ASCC3: variants seen among roughly 807,000 people sequenced by gnomAD.
The protein encoded by ASCC3 is activating signal cointegrator 1 complex subunit 3.
In ASCC3, 158 loss-of-function variants were observed where a neutral mutation model predicts 256.3. The ratio of observed to expected loss-of-function variants is 0.62; its 90% CI spans 0.54 to 0.70. The LOEUF (loss-of-function observed/expected upper bound fraction) is 0.70, where lower values mean the gene tolerates loss of function less well. Among genes scored for constraint, ASCC3 ranks in the 30% least tolerant of loss-of-function variants. ASCC3 has a pLI of 0.00. For missense variants in ASCC3, 2,259 were observed against 2,626.0 expected, an observed-to-expected ratio of 0.86 and a Z score of 3.05; for synonymous variants, 948 against 883.4, an observed-to-expected ratio of 1.07 and a Z score of -1.30.
chr6:100,717,324 T>C (rs556957169), intron 12 of ASCC3, among the ~76,000 whole-genome samples: 1 of 152,008 alleles, frequency 6.6e-6, no homozygotes, highest in Admixed American at 6.6e-5. Context: ...AAGGTTGACA[T>C]AGTAACATGA....
At chr6:100,812,145 T>G (rs1159299389) in intron 4 of ASCC3, among the ~76,000 whole-genome samples, 1 of 152,064 alleles carries the variant, frequency 6.6e-6, no homozygotes, top group Non-Finnish European at 1.5e-5. Flanking sequence ...TTTAGCAAAG[T>G]GATTTAAAAA....
intron 14 of ASCC3, among the ~76,000 whole-genome samples, chr6:100,663,677 G>A (rs1045690294): frequency 1.3e-5 from 2 of 152,078 alleles, no homozygotes; most frequent in Non-Finnish European, 2.9e-5. Context: ...TGCTGAGGTT[G>A]CTAAAATCGA....
At chr6:100,711,885 A>C (rs1293502000) in intron 13 of ASCC3, among the ~76,000 whole-genome samples, 1 of 152,260 alleles carries the variant, frequency 6.6e-6, no homozygotes, top group African/African-American at 2.4e-5. Context: ...ATATTGCAAG[A>C]GAAAAACAAA....
At chr6:100,695,875 G>A (rs1778057045) in intron 13 of ASCC3, among the ~76,000 whole-genome samples, 3 of 152,234 alleles carry the variant, frequency 2.0e-5, no homozygotes, top group South Asian at 2.1e-4. Context: ...GGAGAGTTAG[G>A]GAGAAGCAAC....
intron 3 of ASCC3, among the ~76,000 whole-genome samples, chr6:100,854,259 T>C (rs926460890): frequency 3.3e-5 from 5 of 152,024 alleles, no homozygotes; most frequent in Admixed American, 2.0e-4. Context: ...CATGTGGCTT[T>C]TGGGGGAATA....
At position 100,516,254 on chromosome 6, in the gene ASCC3, G is replaced by A. The variant is rs917290128; in HGVS notation, c.6001C>T (p.His2001Tyr). The A allele has an allele frequency of 6.8e-6, 11 of 1,613,618 alleles. No individual in the cohort carries two copies. The African/African-American group carries it at 1.3e-4, about 20-fold the overall frequency. ...TSIESLPELI[H>Y]ACGGKDHVFS... Reference sequence around the variant, plus strand: ...ACATGGTCTTTCCCTCCACAGGCATGGATCAGTTCAGGAAGGGACTCGATG... The same window carrying A: ...ACATGGTCTTTCCCTCCACAGGCATAGATCAGTTCAGGAAGGGACTCGATG... The change falls in exon 39 of 42, where the codon CAT becomes TAT. Residue 2001 changes from histidine (H) to tyrosine (Y), a missense_variant. Coordinates refer to ENST00000369162, the MANE Select transcript of ASCC3 (RefSeq NM_006828.4).
chr6:100,554,130 CTT>C (rs1178744774), intron 36 of ASCC3, among the ~76,000 whole-genome samples: 1 of 152,124 alleles, frequency 6.6e-6, no homozygotes, highest in Non-Finnish European at 1.5e-5. Flanking sequence ...TTGACTGTAA[CTT>C]TACCTTTTAG....
chr6:100,756,332 T>A (rs1781177917), intron 10 of ASCC3, among the ~76,000 whole-genome samples: 1 of 152,148 alleles, frequency 6.6e-6, no homozygotes, highest in Non-Finnish European at 1.5e-5. Context: ...TGTATGTTTC[T>A]CTATTTTCAA....
At chr6:100,612,095 G>A (rs1272949978) in intron 30 of ASCC3, among the ~76,000 whole-genome samples, 2 of 151,928 alleles carry the variant, frequency 1.3e-5, no homozygotes, top group Non-Finnish European at 2.9e-5. Flanking sequence ...GTTGGGGGGA[G>A]GAGGCACATA....
intron 14 of ASCC3, among the ~76,000 whole-genome samples, chr6:100,673,031 G>A (rs541313178): frequency 6.6e-6 from 1 of 152,124 alleles, no homozygotes; most frequent in East Asian, 1.9e-4. Flanking sequence ...ATTTCCATAT[G>A]TTATTCTGAT....
chr6:100,857,489 G>C (rs905793104), intron 3 of ASCC3: 5 of 151,952 alleles, frequency 3.3e-5, no homozygotes, highest in Non-Finnish European at 5.9e-5. Flanking sequence ...ACATCTTTTA[G>C]AAGATGTATT....
chr6:100,686,976 T>C (rs989534329), intron 13 of ASCC3, among the ~76,000 whole-genome samples: 1 of 151,564 alleles, frequency 6.6e-6, no homozygotes, highest in Non-Finnish European at 1.5e-5. Flanking sequence ...TGGTATCTCT[T>C]CAATACAGAC....
Position 100,760,207 on chromosome 6 carries a change from G to A in ASCC3, c.1737+6358C>T, listed in dbSNP as rs533570226. On this transcript the variant is annotated intron_variant, in intron 10 of 41. Transcript: ENST00000369162. Reference sequence around the variant, plus strand: ...ACTATATTTAACAGGAGTGGTGAGAGAGGGCATCCTTGTCTTGTACTGGTT... The same window carrying A: ...ACTATATTTAACAGGAGTGGTGAGAAAGGGCATCCTTGTCTTGTACTGGTT... Among the ~76,000 whole-genome samples the A allele has an allele frequency of 2.0e-5, 3 of 152,274 alleles. No individual in the cohort carries two copies. The East Asian group carries it at 5.8e-4, about 29-fold the overall frequency.
intron 4 of ASCC3, among the ~76,000 whole-genome samples, chr6:100,846,256 G>A (rs558269281): frequency 6.6e-6 from 1 of 152,182 alleles, no homozygotes; most frequent in South Asian, 2.1e-4. Flanking sequence ...AAATTATACT[G>A]AAAATTTGCC....
intron 17 of ASCC3, among the ~76,000 whole-genome samples, chr6:100,653,108 C>A (rs1470879680): frequency 6.6e-6 from 1 of 152,004 alleles, no homozygotes; most frequent in South Asian, 2.1e-4. Context: ...TATCAATGTG[C>A]ATATTCTTTT....
chr6:100,852,207 G>A (rs550436093), intron 3 of ASCC3, among the ~76,000 whole-genome samples: 1 of 152,236 alleles, frequency 6.6e-6, no homozygotes, highest in Admixed American at 6.5e-5. Context: ...TGAAGAAAAC[G>A]ATGCAGTCAG....
intron 8 of ASCC3, among the ~76,000 whole-genome samples, chr6:100,774,371 CTTTT>C (rs144009364): frequency 6.9e-6 from 1 of 144,698 alleles, no homozygotes; most frequent in East Asian, 1.9e-4. Context: ...ACCTGACTAA[CTTTT>C]TTTTTTCGGA....
rs770869132 is a variant in ASCC3 at position 100,864,065 on chromosome 6, T to C, written c.240A>G (p.Ile80Met). The C allele has an allele frequency of 1.9e-6, 3 of 1,554,686 alleles. No homozygotes were observed. Among genetic ancestry groups the C allele is most frequent in the Non-Finnish European group, 2.6e-6 (3 of 1,144,040 alleles). ...AAAAAGAAAAAAAGAAAACTATACCTATCTGCTTTGCAGCATGTAATATAT... is the reference window on the plus strand; with the variant it reads ...AAAAAGAAAAAAAGAAAACTATACCCATCTGCTTTGCAGCATGTAATATAT... The part of the protein sequence containing the change: ...LKDILHAAKQ[I>M]VGTDNGREAI... The change falls in exon 3 of 42, where the codon ATA becomes ATG. Residue 80 changes from isoleucine to methionine, a missense_variant and splice_region_variant. Physicochemically the swap from Ile to Met is conservative, Grantham distance 10. This residue lies in a region of ASCC3 where 420 missense variants were observed against 419.3 expected (regional missense o/e 1.00). Transcript: ENST00000369162.
intron 13 of ASCC3, among the ~76,000 whole-genome samples, chr6:100,692,817 G>A (rs965492811): frequency 4.6e-5 from 7 of 152,054 alleles, no homozygotes; most frequent in African/African-American, 1.4e-4. Context: ...TAAATAAGCA[G>A]TTGGACTAGG....
Sources: allele counts gnomAD v4.1 joint callset (sites outside exome capture counted in the v4.1 genomes callset), GRCh38; gene constraint gnomAD v4.1.1; regional missense constraint gnomAD v4.1.1; transcripts MANE v1.5; gene names NCBI Gene and HGNC (gene_info 2026-07-23, HGNC 2026-07-21).